Variants in MFSD2B observed in about 807,000 individuals in gnomAD.
The protein encoded by MFSD2B is sphingosine-1-phosphate transporter MFSD2B.
Under a neutral mutation model 58.4 loss-of-function variants are expected in MFSD2B, and 56 were observed. The observed-to-expected ratio is 0.96, with a 90% CI of 0.77 to 1.20. MFSD2B has a LOEUF of 1.20. Ranked by LOEUF, MFSD2B falls within the 50% of genes most tolerant of loss-of-function variation. MFSD2B has a pLI of 0.00. For synonymous variants in MFSD2B, 287 were observed against 294.4 expected, an observed-to-expected ratio of 0.97 and a Z score of 0.26; for missense variants, 645 against 667.6, an observed-to-expected ratio of 0.97 and a Z score of 0.37.
Position 24,024,215 on chromosome 2 carries a change from C to G in MFSD2B, c.1434C>G (p.Val478=), listed in dbSNP as rs369642827. ...TTGCTGGGCTCTGCATCCTCATGGT[C>G]GGCTCCACTCCAAAGACACCCAGTC... ...MILAGLCILM[V]GSTPKTPSRD... The change falls in exon 13 of 14, where the codon GTC becomes GTG. Residue 478 remains valine, a synonymous_variant. Coordinates refer to ENST00000338315, the MANE Select transcript of MFSD2B (RefSeq NM_001346880.2). The surrounding 1 kb of genome is among the most constrained non-coding windows in gnomAD (Gnocchi z 4.3). The G allele has an allele frequency of 2.5e-6, 4 of 1,613,074 alleles. No individual in the cohort carries two copies. The highest frequency in any genetic ancestry group is 1.7e-5 in the Admixed American group (1 of 59,886).
chr2:24,023,691 C>T lies in MFSD2B; in HGVS notation c.1278C>T (p.Gly426=), dbSNP rs573280977. 22 of 1,613,802 alleles carry T rather than the reference C, an allele frequency of 1.4e-5. No homozygotes were observed. Among genetic ancestry groups the T allele is most frequent in the East Asian group, 2.2e-5 (1 of 44,892 alleles). The change falls in exon 12 of 14, where the codon GGC becomes GGT. Residue 426 remains glycine, a synonymous_variant. Transcript: ENST00000338315. This position sits in a 1 kb window ranked among gnomAD's most constrained non-coding sequence, Gnocchi z 5.0. ...ACGTCTTCTTCACCAAGCTGTCTGG[C>T]GCATGTGCCCTGGGCATCTCCACCC... The part of the protein sequence containing the change: ...SSYVFFTKLS[G]ACALGISTLS...
chr2:24,013,694 C>T (rs756989020), intron 2 of MFSD2B, among the ~76,000 whole-genome samples: 7 of 151,506 alleles, frequency 4.6e-5, no homozygotes, highest in South Asian at 2.1e-4. Context: ...CAACCCGCGG[C>T]GGGACGGCTT....
intron 1 of MFSD2B, among the ~76,000 whole-genome samples, chr2:24,011,147 C>T (rs1275183784): frequency 6.6e-6 from 1 of 152,208 alleles, no homozygotes; most frequent in Non-Finnish European, 1.5e-5. Flanking sequence ...CTGCGCCCCT[C>T]GCCCGGAGCC....
rs969459667 is a variant in MFSD2B at position 24,016,059 on chromosome 2, C to T, written c.223-97C>T. 109 of 1,489,804 alleles carry T rather than the reference C, an allele frequency of 7.3e-5. No homozygotes were observed. The East Asian group carries it at 2.1e-3, about 28-fold the overall frequency. The allele number at this position is 1,489,804 out of a possible 1,614,324, so 92.3% of individuals were successfully genotyped here. On this transcript the variant is annotated intron_variant, in intron 2 of 13. Coordinates refer to ENST00000338315, the MANE Select transcript of MFSD2B (RefSeq NM_001346880.2). The stretch of plus-strand genomic sequence containing the variant: ...ACACTGTGGCTCTGCCCTCCGGTCC[C>T]GGTTCCCAGGCCTCCCTCTTGATGG...
intron 1 of MFSD2B, among the ~76,000 whole-genome samples, 180 bp downstream of exon 1, chr2:24,010,372 C>T (rs1708913871): frequency 6.6e-6 from 1 of 152,202 alleles, no homozygotes. Flanking sequence ...GGTGCCGGCG[C>T]CGGAAAGAGA....
chr2:24,022,769 A>T lies in MFSD2B; in HGVS notation c.979-53A>T. On this transcript the variant is annotated intron_variant, in intron 9 of 13. Coordinates refer to ENST00000338315, the MANE Select transcript of MFSD2B (RefSeq NM_001346880.2). This position sits in a 1 kb window ranked among gnomAD's most constrained non-coding sequence, Gnocchi z 4.5. ...CTAAAAGCCAAGGCCTTGGGGTCCC[A>T]GGCAAAGGCGCTGGCAGCACGGCCC... The T allele has an allele frequency of 7.2e-7, 1 of 1,379,694 alleles. No individual in the cohort carries two copies. Among genetic ancestry groups the T allele is most frequent in the Non-Finnish European group, 9.7e-7 (1 of 1,027,438 alleles). The allele number at this position is 1,379,694 out of a possible 1,614,324, so 85.5% of individuals were successfully genotyped here.
intron 2 of MFSD2B, among the ~76,000 whole-genome samples, chr2:24,015,097 C>T (rs1573634014): frequency 6.6e-6 from 1 of 151,698 alleles, no homozygotes; most frequent in Non-Finnish European, 1.5e-5. Context: ...CCAGCCTGGG[C>T]GACAGAGCAA....
Position 24,021,554 on chromosome 2 carries a change from C to A in MFSD2B, c.682-94C>A. ...TGGGCTTGGGTTGTGCCTCCCTCCGCTCCCACTGGGAGGCAGTACTGCCCT... is the reference window on the plus strand; with the variant it reads ...TGGGCTTGGGTTGTGCCTCCCTCCGATCCCACTGGGAGGCAGTACTGCCCT... On this transcript the variant is annotated intron_variant, in intron 6 of 13. Coordinates refer to ENST00000338315, the MANE Select transcript of MFSD2B (RefSeq NM_001346880.2). The surrounding 1 kb of genome is among the most constrained non-coding windows in gnomAD (Gnocchi z 5.7). 2 of 1,172,204 alleles carry A rather than the reference C, an allele frequency of 1.7e-6. No individual in the cohort carries two copies. 72.6% of individuals were successfully genotyped at this position (1,172,204 alleles called of 1,614,324 possible).
chr2:24,023,263 C>T lies in MFSD2B; in HGVS notation c.1169+24C>T, dbSNP rs766585378. 15 of 1,564,688 alleles carry T rather than the reference C, an allele frequency of 9.6e-6. No individual in the cohort carries two copies. The highest frequency in any genetic ancestry group is 2.7e-5 in the African/African-American group (2 of 74,028). On this transcript the variant is annotated intron_variant, in intron 11 of 13. Transcript: ENST00000338315. This position sits in a 1 kb window ranked among gnomAD's most constrained non-coding sequence, Gnocchi z 5.0. Reference sequence around the variant, plus strand: ...TGGTAGGCTGGGTGTGGGGGCCTCACGTGTGTCCACAGTGGGTGTCACCTC... The same window carrying T: ...TGGTAGGCTGGGTGTGGGGGCCTCATGTGTGTCCACAGTGGGTGTCACCTC...
Position 24,024,311 on chromosome 2 carries a change from G to A in MFSD2B, c.1490+40G>A, listed in dbSNP as rs1384965514. 2.6e-6 allele frequency: 4 copies of A among 1,553,670 alleles called. No homozygotes were observed. The African/African-American group carries it at 4.1e-5, about 16-fold the overall frequency. On this transcript the variant is annotated intron_variant, in intron 13 of 13. Coordinates refer to ENST00000338315, the MANE Select transcript of MFSD2B (RefSeq NM_001346880.2). The surrounding 1 kb of genome is among the most constrained non-coding windows in gnomAD (Gnocchi z 4.3). ...CCCCCTGCAGCCAGCGAGGCACAGT[G>A]TGGGCTGCTGGGGGAATGACTAACA...
rs1169365449 is a variant in MFSD2B at position 24,023,109 on chromosome 2, C to T, written c.1060-21C>T. ...CACGAAGAAGCAGGTGGCGGGACAGCTGGTGTGTGTGTCTCCCCAGGCGAT... is the reference window on the plus strand; with the variant it reads ...CACGAAGAAGCAGGTGGCGGGACAGTTGGTGTGTGTGTCTCCCCAGGCGAT... On this transcript the variant is annotated intron_variant, in intron 10 of 13. Transcript: ENST00000338315. This position sits in a 1 kb window ranked among gnomAD's most constrained non-coding sequence, Gnocchi z 5.0. 1 of 1,593,300 alleles carries T rather than the reference C, an allele frequency of 6.3e-7. No homozygotes were observed. The highest frequency in any genetic ancestry group is 8.6e-7 in the Non-Finnish European group (1 of 1,164,592).
chr2:24,023,436 C>T lies in MFSD2B; in HGVS notation c.1170-147C>T, dbSNP rs1381166162. ...GCAGGGGGCTGGCGGGGGGTACGAG[C>T]ACACAGGCCATCTGCTTCTCTGGTG... On this transcript the variant is annotated intron_variant, in intron 11 of 13. Transcript: ENST00000338315. The surrounding 1 kb of genome is among the most constrained non-coding windows in gnomAD (Gnocchi z 5.0). 2 of 1,022,132 alleles carry T rather than the reference C, an allele frequency of 2.0e-6. No individual in the cohort carries two copies. Among genetic ancestry groups the T allele is most frequent in the African/African-American group, 3.2e-5 (2 of 62,628 alleles). 63.3% of individuals were successfully genotyped at this position (1,022,132 alleles called of 1,614,324 possible). A position where few individuals can be genotyped will look rare whatever the true frequency, so the allele number is the denominator to read the frequency against.
chr2:24,014,301 C>T (rs930194758), intron 2 of MFSD2B, among the ~76,000 whole-genome samples: 1 of 152,040 alleles, frequency 6.6e-6, no homozygotes, highest in Non-Finnish European at 1.5e-5. Context: ...CGTGGACCAC[C>T]GCGCCCAGTC....
rs1383758535 is a variant in MFSD2B, at chr2:24,012,148, CAAA to C, written c.97-1135_97-1133del. Among the ~76,000 whole-genome samples the C allele has an allele frequency of 6.1e-5, 7 of 113,864 alleles. No individual in the cohort carries two copies. The highest frequency in any genetic ancestry group is 2.3e-4 in the African/African-American group (7 of 30,908). 74.7% of individuals were successfully genotyped at this position (113,864 alleles called of 152,430 possible). A position where few individuals can be genotyped will look rare whatever the true frequency, so the allele number is the denominator to read the frequency against. ...ATCTGGAAACAAACAAACAAACAAA[CAAA>C]ACACACACACACACACACACACACA... On this transcript the variant is annotated intron_variant, in intron 1 of 13. Transcript: ENST00000338315. The surrounding 1 kb of genome is among the most constrained non-coding windows in gnomAD (Gnocchi z 4.5).
rs1392157560 is a variant in MFSD2B at position 24,023,535 on chromosome 2, G to A, written c.1170-48G>A. On this transcript the variant is annotated intron_variant, in intron 11 of 13. Coordinates refer to ENST00000338315, the MANE Select transcript of MFSD2B (RefSeq NM_001346880.2). This position sits in a 1 kb window ranked among gnomAD's most constrained non-coding sequence, Gnocchi z 5.0. Reference sequence around the variant, plus strand: ...TCCGTCCCCAGAGAATTCACAGGCTGCTGGTGGCCAAGGGGCTAGGAGGGC... The same window carrying A: ...TCCGTCCCCAGAGAATTCACAGGCTACTGGTGGCCAAGGGGCTAGGAGGGC... The A allele has an allele frequency of 1.3e-6, 2 of 1,580,236 alleles. No individual in the cohort carries two copies. The highest frequency in any genetic ancestry group is 3.7e-5 in the Admixed American group (2 of 54,398).
In MFSD2B at chr2:24,022,515, T is replaced by A; in HGVS notation, c.977T>A (p.Leu326Gln). ...DHVQGLVLTV[L>Q]VSAVLSTPLW... ...GTCCAGGGCCTGGTACTAACTGTCC[T>A]GGTGAGGGGGCCTGGGGTGGTGGAG... Residue 326 changes from leucine (L) to glutamine (Q), a missense_variant and splice_region_variant, in exon 9 of 14, where the codon CTG (leucine) becomes CAG (glutamine). By Grantham distance (113) the Leu-to-Gln change is moderately radical. Transcript: ENST00000338315. This position sits in a 1 kb window ranked among gnomAD's most constrained non-coding sequence, Gnocchi z 4.5. The A allele has an allele frequency of 6.2e-7, 1 of 1,612,186 alleles. No homozygotes were observed.
chr2:24,010,740 G>T (rs879766206), intron 1 of MFSD2B, among the ~76,000 whole-genome samples: 1 of 152,184 alleles, frequency 6.6e-6, no homozygotes, highest in Non-Finnish European at 1.5e-5. Context: ...CCGCCGGGCC[G>T]TGCTGGCCAG....
chr2:24,013,463 C>A, intron 2 of MFSD2B, 53 bp downstream of exon 2: 1 of 1,497,032 alleles, frequency 6.7e-7, no homozygotes, highest in South Asian at 1.3e-5. Flanking sequence ...GGGGTCTGGT[C>A]CTTCCACCCC....
At position 24,017,442 on chromosome 2, in the gene MFSD2B, G is replaced by T. The variant is rs1202537227; in HGVS notation, c.551-16G>T. 5 of 1,599,778 alleles carry T rather than the reference G, an allele frequency of 3.1e-6. No homozygotes were observed. The highest frequency in any genetic ancestry group is 4.3e-6 in the Non-Finnish European group (5 of 1,173,346). On this transcript the variant is annotated splice_polypyrimidine_tract_variant and intron_variant, in intron 5 of 13. Transcript: ENST00000338315. This position sits in a 1 kb window ranked among gnomAD's most constrained non-coding sequence, Gnocchi z 4.8. ...CCACTCCCTCTCAGTCACCTTAAGT[G>T]GCACTCTGTCTCCAGGGATGACTGT... is the stretch of plus-strand genomic sequence containing the variant.
Sources: allele counts gnomAD v4.1 joint callset (sites outside exome capture counted in the v4.1 genomes callset), GRCh38; gene constraint gnomAD v4.1.1; non-coding constraint Gnocchi (gnomAD v3.1); transcripts MANE v1.5; gene names NCBI Gene and HGNC (gene_info 2026-07-23, HGNC 2026-07-21).